CNBD1: variants seen among roughly 807,000 people sequenced by gnomAD.
CNBD1 encodes the protein cyclic nucleotide-binding domain-containing protein 1.
In CNBD1, 71 loss-of-function variants were observed where a neutral mutation model predicts 54.4. The observed-to-expected ratio is 1.30, with a 90% CI of 1.08 to 1.59. The LOEUF (loss-of-function observed/expected upper bound fraction) is 1.59, where lower values mean the gene tolerates loss of function less well. Ranked by LOEUF, CNBD1 falls within the 40% of genes most tolerant of loss-of-function variation. The pLI is 0.00. For missense variants in CNBD1, 659 were observed against 518.0 expected (o/e 1.27, Z -2.64); for synonymous variants, 182 against 170.7 (o/e 1.07, Z -0.51).
chr8:87,378,380 A>G (rs1055053598), intron 10 of CNBD1, among the ~76,000 whole-genome samples: 49 of 149,842 alleles, frequency 3.3e-4, no homozygotes, highest in Admixed American at 6.0e-4. Flanking sequence ...ATGGCTAGCC[A>G]GTTTTCCCAG....
chr8:87,055,811 CCCTT>C (rs988789757), intron 4 of CNBD1, among the ~76,000 whole-genome samples: 3 of 148,982 alleles, frequency 2.0e-5, no homozygotes, highest in Non-Finnish European at 4.5e-5. Context: ...TTTCATCCAT[CCCTT>C]CCTTCCTTCC....
chr8:86,957,944 C>T (rs193059514), intron 4 of CNBD1, among the ~76,000 whole-genome samples: 35 of 152,272 alleles, frequency 2.3e-4, no homozygotes, highest in African/African-American at 7.7e-4. Flanking sequence ...TTAGATCTTT[C>T]CTGCTTTCTC....
At chr8:87,390,619 A>G (rs1811288473) in intron 2 of CNBD1, among the ~76,000 whole-genome samples, 1 of 152,170 alleles carries the variant, frequency 6.6e-6, no homozygotes, top group African/African-American at 2.4e-5. Context: ...GTGGAGAAAT[A>G]GGAACACTTT....
chr8:87,035,312 T>G (rs1751610018), intron 4 of CNBD1, among the ~76,000 whole-genome samples: 1 of 152,210 alleles, frequency 6.6e-6, no homozygotes, highest in Admixed American at 6.5e-5. Flanking sequence ...TTCAGTTGGA[T>G]AGTCTTACAT....
At chr8:87,050,802 T>TATTA (rs1355155590) in intron 4 of CNBD1, among the ~76,000 whole-genome samples, 5 of 152,216 alleles carry the variant, frequency 3.3e-5, no homozygotes, top group African/African-American at 7.2e-5. Context: ...GCACTCCTAA[T>TATTA]ATTGGATGTT....
At chr8:86,987,307 G>A (rs1426332512) in intron 4 of CNBD1, among the ~76,000 whole-genome samples, 1 of 152,048 alleles carries the variant, frequency 6.6e-6, no homozygotes, top group African/African-American at 2.4e-5. Context: ...TTGACTCTCA[G>A]CTTGAACCTT....
Position 87,281,561 on chromosome 8 carries a change from T to G in CNBD1, c.772-3117T>G, listed in dbSNP as rs1214404776. On this transcript the variant is annotated intron_variant, in intron 6 of 10. Transcript: ENST00000518476. ...GCTAAGATATATATATATATATATA[T>G]ATATATATATATATATATATATATA... Among the ~76,000 whole-genome samples the G allele has an allele frequency of 9.4e-3, 98 of 10,408 alleles. 1 individual carries two copies. The highest frequency in any genetic ancestry group is 0.034 in the African/African-American group (90 of 2,668). 6.8% of individuals were successfully genotyped at this position (10,408 alleles called of 152,430 possible). A position where few individuals can be genotyped will look rare whatever the true frequency, so the allele number is the denominator to read the frequency against.
chr8:87,235,453 G>A (rs966960696), intron 5 of CNBD1, among the ~76,000 whole-genome samples: 2 of 152,070 alleles, frequency 1.3e-5, no homozygotes, highest in Non-Finnish European at 2.9e-5. Context: ...GGATATTTTA[G>A]AGCTATTAAT....
At chr8:87,068,915 A>G (rs375691626) in intron 4 of CNBD1, among the ~76,000 whole-genome samples, 2 of 152,058 alleles carry the variant, frequency 1.3e-5, no homozygotes, top group African/African-American at 4.8e-5. Context: ...ATACAGAAAG[A>G]AAAATAGTAA....
chr8:86,998,426 A>G (rs983779696), intron 4 of CNBD1, among the ~76,000 whole-genome samples: 6 of 152,136 alleles, frequency 3.9e-5, no homozygotes, highest in African/African-American at 1.4e-4. Flanking sequence ...CAAAAAATGC[A>G]AAAAAACTGG....
intron 4 of CNBD1, among the ~76,000 whole-genome samples, chr8:86,969,517 A>G (rs532387909): frequency 1.3e-5 from 2 of 152,178 alleles, no homozygotes; most frequent in East Asian, 1.9e-4. Context: ...AATTGGTACT[A>G]CTGTTAAGCT....
intron 8 of CNBD1, among the ~76,000 whole-genome samples, chr8:87,348,622 G>A (rs1045064239): frequency 1.3e-5 from 2 of 152,104 alleles, no homozygotes; most frequent in African/African-American, 4.8e-5. Context: ...ATATATTCCT[G>A]TTCCAAACCT....
chr8:87,381,130 C>A (rs10094912), intron 10 of CNBD1, among the ~76,000 whole-genome samples: 3 of 151,768 alleles, frequency 2.0e-5, no homozygotes, highest in East Asian at 3.9e-4. Context: ...ATTTGCAAAC[C>A]GTGCAACTGA....
At chr8:87,365,537 T>C in intron 10 of CNBD1, among the ~76,000 whole-genome samples, 1 of 152,060 alleles carries the variant, frequency 6.6e-6, no homozygotes, top group Admixed American at 6.6e-5. Context: ...CTTGTTCCAC[T>C]GTAAAATGTA....
intron 4 of CNBD1, among the ~76,000 whole-genome samples, chr8:86,986,705 G>C (rs548054441): frequency 1.3e-5 from 2 of 152,194 alleles, no homozygotes; most frequent in East Asian, 1.9e-4. Flanking sequence ...TGATTGGTAG[G>C]GGTCCAACTT....
chr8:86,970,621 A>G (rs1032617335), intron 4 of CNBD1, among the ~76,000 whole-genome samples: 1 of 150,518 alleles, frequency 6.6e-6, no homozygotes, highest in Non-Finnish European at 1.5e-5. Flanking sequence ...TCCCACCTGT[A>G]GTAGTCCACA....
intron 3 of CNBD1, among the ~76,000 whole-genome samples, 166 bp from the exon 4 acceptor site, chr8:86,939,428 CTG>C (rs1809609874): frequency 6.6e-6 from 1 of 152,036 alleles, no homozygotes; most frequent in South Asian, 2.1e-4. Context: ...ACATATATAA[CTG>C]TACTATGGAG....
At position 87,330,830 on chromosome 8, in the gene CNBD1, A is replaced by G. The variant is rs1809810407; in HGVS notation, c.1043-20855A>G. 2.6e-5 allele frequency among the ~76,000 whole-genome samples: 4 copies of G among 152,164 alleles called. No homozygotes were observed. The South Asian group carries it at 8.3e-4, about 32-fold the overall frequency. ...ATGATGTTGTTGAGTTAAAATATGA[A>G]TTAGAATTTAACTGTGAAATACATA... is the stretch of plus-strand genomic sequence containing the variant. On this transcript the variant is annotated intron_variant, in intron 8 of 10. Transcript: ENST00000518476.
At chr8:87,369,982 G>C (rs563220370) in intron 10 of CNBD1, among the ~76,000 whole-genome samples, 4 of 151,882 alleles carry the variant, frequency 2.6e-5, no homozygotes, top group South Asian at 4.2e-4. Context: ...GCAGTGTTTG[G>C]TTTTTTGTCC....
Sources: allele counts gnomAD v4.1 joint callset (sites outside exome capture counted in the v4.1 genomes callset), GRCh38; gene constraint gnomAD v4.1.1; transcripts MANE v1.5; gene names NCBI Gene and HGNC (gene_info 2026-07-23, HGNC 2026-07-21).